SLC16A4: variants seen among roughly 807,000 people sequenced by gnomAD.
The protein encoded by SLC16A4 is solute carrier family 16 member 4, also known as probable monocarboxylate transporter 5.
SLC16A4 carries 39 observed loss-of-function variants against 47.9 expected under a neutral mutation model. The observed-to-expected ratio is 0.81, with a 90% CI of 0.63 to 1.06. The LOEUF (loss-of-function observed/expected upper bound fraction) is 1.06, where lower values mean the gene tolerates loss of function less well. SLC16A4 is among the 50% of genes least tolerant of loss of function. The pLI is 0.00. For missense variants in SLC16A4, 524 were observed against 573.8 expected (o/e 0.91, Z 0.89); for synonymous variants, 189 against 199.9 (o/e 0.95, Z 0.46).
Position 110,379,379 on chromosome 1 carries a change from A to G in SLC16A4, c.527-23T>C, listed in dbSNP as rs749930906. ...CTCCTAAATAGGGAGAGATTGAGCA[A>G]TTAAAAATAGCCTTTCAGTTCACAA... On this transcript the variant is annotated intron_variant, in intron 5 of 8. Transcript: ENST00000369779. 8.3e-6 allele frequency: 13 copies of G among 1,568,798 alleles called. No individual in the cohort carries two copies. The South Asian group carries it at 1.2e-4, about 14-fold the overall frequency.
intron 8 of SLC16A4, among the ~76,000 whole-genome samples, chr1:110,366,137 TTC>T (rs1423456527): frequency 9.3e-4 from 108 of 115,562 alleles, no homozygotes; most frequent in African/African-American, 3.3e-3. Flanking sequence ...CACACACTCT[TTC>T]TCTCTCTCTC....
intron 2 of SLC16A4, among the ~76,000 whole-genome samples, chr1:110,386,856 T>C (rs896610671): frequency 1.3e-5 from 2 of 152,230 alleles, no homozygotes; most frequent in African/African-American, 4.8e-5. Context: ...GTTCACTAAC[T>C]TTGGCCCCCA....
Position 110,389,303 on chromosome 1 carries a change from C to T in SLC16A4, c.21G>A (p.Lys7=), listed in dbSNP as rs1050804622. 2 of 1,608,814 alleles carry T rather than the reference C, an allele frequency of 1.2e-6. No individual in the cohort carries two copies. The highest frequency in any genetic ancestry group is 2.2e-5 in the East Asian group (1 of 44,828). ...CCAGGGTTTTAGTGTAAGGTTGGACCTTCCCCTCCCTCTTCAGCATGATGC... is the reference window on the plus strand; with the variant it reads ...CCAGGGTTTTAGTGTAAGGTTGGACTTTCCCCTCCCTCTTCAGCATGATGC... MLKREG[K]VQPYTKTLDG... The change falls in exon 2 of 9, where the codon AAG becomes AAA. Residue 7 remains lysine, a synonymous_variant. Transcript: ENST00000369779.
chr1:110,377,293 T>C, intron 6 of SLC16A4, 132 bp from the exon 7 acceptor site: 1 of 692,078 alleles, frequency 1.4e-6, no homozygotes, highest in Non-Finnish European at 2.4e-6. Flanking sequence ...ATTTGATTTG[T>C]GTACCAGTAA....
At chr1:110,374,302 A>G (rs902382639) in intron 8 of SLC16A4, among the ~76,000 whole-genome samples, 2 of 152,166 alleles carry the variant, frequency 1.3e-5, no homozygotes, top group Admixed American at 6.5e-5. Flanking sequence ...GGACCTCCCA[A>G]AGTGCTGGGA....
intron 2 of SLC16A4, among the ~76,000 whole-genome samples, chr1:110,383,868 T>C (rs1570653846): frequency 7.5e-6 from 1 of 132,918 alleles, no homozygotes; most frequent in South Asian, 2.7e-4. Context: ...AAAGTTAAGC[T>C]ATCAACTAAG....
chr1:110,389,353 T>A lies in SLC16A4; in HGVS notation c.-30A>T. 6.6e-7 allele frequency: 1 copy of A among 1,504,350 alleles called. No homozygotes were observed. The highest frequency in any genetic ancestry group is 9.3e-7 in the Non-Finnish European group (1 of 1,080,088). The allele number at this position is 1,504,350 out of a possible 1,614,324, so 93.2% of individuals were successfully genotyped here. On this transcript the variant is annotated splice_region_variant and 5_prime_UTR_variant, in exon 2 of 9. Transcript: ENST00000369779. ...CCTCTTCTATTTTAAATGCAGAAGA[T>A]CCCTGTGATAAATCCAAGACAGTTG...
chr1:110,384,228 T>C (rs1662608522), intron 2 of SLC16A4, among the ~76,000 whole-genome samples: 1 of 152,216 alleles, frequency 6.6e-6, no homozygotes, highest in Non-Finnish European at 1.5e-5. Flanking sequence ...AGTTCTTAGA[T>C]TAGTTTTGAT....
At chr1:110,377,459 C>A (rs1044605434) in intron 6 of SLC16A4, among the ~76,000 whole-genome samples, 5 of 152,146 alleles carry the variant, frequency 3.3e-5, no homozygotes, top group Admixed American at 1.3e-4. Flanking sequence ...TTACAGAGGA[C>A]CCTGGGCACA....
chr1:110,376,856 C>T, intron 7 of SLC16A4, 94 bp downstream of exon 7: 1 of 1,069,304 alleles, frequency 9.4e-7, no homozygotes, highest in Non-Finnish European at 1.3e-6. Flanking sequence ...TTTTAAGTTA[C>T]AAAATTAATA....
At chr1:110,380,584 T>C (rs1427428686) in intron 5 of SLC16A4, among the ~76,000 whole-genome samples, 1 of 147,408 alleles carries the variant, frequency 6.8e-6, no homozygotes, top group Non-Finnish European at 1.5e-5. Flanking sequence ...TAAATGCAGA[T>C]TTTTGTCTTA....
chr1:110,387,435 A>G (rs1230969630), intron 2 of SLC16A4, among the ~76,000 whole-genome samples: 4 of 152,208 alleles, frequency 2.6e-5, no homozygotes, highest in Non-Finnish European at 5.9e-5. Flanking sequence ...AACAGTTGTA[A>G]GTCATACAGA....
chr1:110,378,944 T>C lies in SLC16A4; in HGVS notation c.939A>G (p.Leu313=). The change falls in exon 6 of 9, where the codon TTA becomes TTG. Residue 313 remains leucine, a synonymous_variant. Coordinates refer to ENST00000369779, the MANE Select transcript of SLC16A4 (RefSeq NM_004696.3). ...IFTWSFLLSQ[L]AYFIPTFHLV... ...GGTGAAAGGTAGGGATGAAGTATGC[T>C]AACTGACTGAGGAGAAAAGACCAAG... The C allele has an allele frequency of 1.2e-6, 2 of 1,614,186 alleles. No homozygotes were observed. Among genetic ancestry groups the C allele is most frequent in the East Asian group, 2.2e-5 (1 of 44,886 alleles).
intron 8 of SLC16A4, among the ~76,000 whole-genome samples, chr1:110,369,121 AT>A (rs1661560458): frequency 6.6e-6 from 1 of 151,754 alleles, no homozygotes. Context: ...CGCCCAGCTA[AT>A]TTTTGTATTT....
In SLC16A4 at chr1:110,377,492, C is replaced by CT. The variant is rs1408366536; in HGVS notation, c.1031-332dup. Among the ~76,000 whole-genome samples, 67 of 152,152 alleles carry CT rather than the reference C, an allele frequency of 4.4e-4. 1 individual carries two copies. The highest frequency in any genetic ancestry group is 4.4e-5 in the Non-Finnish European group (3 of 68,036). On this transcript the variant is annotated intron_variant, in intron 6 of 8. Transcript: ENST00000369779. ...ACAGAAGGCCATGCAGTCTCTTCGT[C>CT]TAAGAGGTCCTGCAAGTGAGAAAAT...
intron 5 of SLC16A4, 36 bp downstream of exon 5, chr1:110,380,946 G>A (rs778147554): frequency 3.8e-6 from 6 of 1,585,986 alleles, no homozygotes; most frequent in South Asian, 1.1e-5. Flanking sequence ...GCTAAATCTT[G>A]CACAGTTGAT....
intron 8 of SLC16A4, chr1:110,373,095 C>G (rs1035542051): frequency 6.6e-6 from 1 of 152,052 alleles, no homozygotes; most frequent in Non-Finnish European, 1.5e-5. Context: ...ATACCTGTAG[C>G]TTTTTCTTTT....
At chr1:110,389,114 G>GC (rs1662885091) in intron 2 of SLC16A4, 123 bp downstream of exon 2, 1 of 874,866 alleles carries the variant, frequency 1.1e-6, no homozygotes, top group Non-Finnish European at 1.9e-6. Flanking sequence ...CCTTGTTCCT[G>GC]CCCACCCCTC....
In SLC16A4 at chr1:110,362,887, A is replaced by G. The variant is rs1021365817; in HGVS notation, c.*879T>C. On this transcript the variant is annotated 3_prime_UTR_variant, in exon 9 of 9. Coordinates refer to ENST00000369779, the MANE Select transcript of SLC16A4 (RefSeq NM_004696.3). Reference sequence around the variant, plus strand: ...TTTATATACTTTTTATTATTTAGCAATACATGTTTATCATAGAAATTTAAG... The same window carrying G: ...TTTATATACTTTTTATTATTTAGCAGTACATGTTTATCATAGAAATTTAAG... The G allele has an allele frequency of 6.6e-6, 1 of 152,188 alleles. No individual in the cohort carries two copies. Among genetic ancestry groups the G allele is most frequent in the Admixed American group, 6.5e-5 (1 of 15,278 alleles). 9.4% of individuals were successfully genotyped at this position (152,188 alleles called of 1,614,324 possible).
Sources: allele counts gnomAD v4.1 joint callset (sites outside exome capture counted in the v4.1 genomes callset), GRCh38; gene constraint gnomAD v4.1.1; transcripts MANE v1.5; gene names NCBI Gene and HGNC (gene_info 2026-07-23, HGNC 2026-07-21).